Variants in DCAF15 observed in about 807,000 individuals in gnomAD.
DCAF15 encodes DDB1- and CUL4-associated factor 15.
In DCAF15, 24 loss-of-function variants were observed where a neutral mutation model predicts 68.0. That is an observed-to-expected ratio of 0.35 (90% CI 0.26 to 0.50). DCAF15 has a LOEUF of 0.50. Ranked by LOEUF, DCAF15 falls within the 20% of genes least tolerant of loss-of-function variation. The probability of loss-of-function intolerance (pLI) is 0.98; values close to 1 mark genes in which losing one functional copy is unlikely to be tolerated. For synonymous variants in DCAF15, 376 were observed against 341.6 expected (o/e 1.10, Z -1.11); for missense variants, 627 against 830.6 (o/e 0.75, Z 3.01).
In DCAF15 at chr19:13,959,819, A is replaced by G. The variant is rs1340192081; in HGVS notation, c.1364A>G (p.Asn455Ser). 2.5e-6 allele frequency: 4 copies of G among 1,598,904 alleles called. No homozygotes were observed. Among genetic ancestry groups the G allele is most frequent in the African/African-American group, 1.4e-5 (1 of 71,440 alleles). ...QLTLDFEYVI[N>S]EVIRHDATWG... is the part of the protein sequence containing the mutation. ...ACACTAGACTTCGAATATGTTATCA[A>G]TGAGGTCATCCGCCACGACGCTACC... Residue 455 changes from asparagine to serine, a missense_variant, in exon 9 of 13, where the codon AAT becomes AGT. Around this residue, in one of 3 missense-constraint regions of DCAF15, gnomAD observed 118 missense variants for 211.8 expected, o/e 0.56. Transcript: ENST00000254337.
intron 7 of DCAF15, 44 bp downstream of exon 7, chr19:13,959,523 C>A: frequency 6.2e-7 from 1 of 1,611,132 alleles, no homozygotes; most frequent in Non-Finnish European, 8.5e-7. Flanking sequence ...GATGGAGAGG[C>A]CAGCCCAGAC....
At chr19:13,958,141 T>C (rs559386312) in intron 6 of DCAF15, among the ~76,000 whole-genome samples, 7 of 152,160 alleles carry the variant, frequency 4.6e-5, no homozygotes, top group South Asian at 2.1e-4. Context: ...TTTTTGGCCA[T>C]GAACCCCCCA....
chr19:13,958,626 AC>A lies in DCAF15; in HGVS notation c.785-417del, dbSNP rs1481951215. On this transcript the variant is annotated intron_variant, in intron 6 of 12. Coordinates refer to ENST00000254337, the MANE Select transcript of DCAF15 (RefSeq NM_138353.4). ...AGTGGTCTGGCTTGTGTCAGGAAGGACCGAGGGCTTTGCCTTAGGTCTTCCA... is the reference window on the plus strand; with the variant it reads ...AGTGGTCTGGCTTGTGTCAGGAAGGACGAGGGCTTTGCCTTAGGTCTTCCA... 5.3e-5 allele frequency among the ~76,000 whole-genome samples: 8 copies of A among 152,156 alleles called. No homozygotes were observed. In the East Asian group the frequency reaches 1.6e-3, roughly 29 times the overall value.
In DCAF15 at chr19:13,961,135, C is replaced by A; in HGVS notation, c.*140C>A. ...TGTTAGCCTGCGGAACGGGGCTGGG[C>A]AGGGCAGCCTCTGTTGGCCTGAGGG... is the stretch of plus-strand genomic sequence containing the variant. On this transcript the variant is annotated 3_prime_UTR_variant, in exon 13 of 13. Coordinates refer to ENST00000254337, the MANE Select transcript of DCAF15 (RefSeq NM_138353.4). The A allele has an allele frequency of 3.0e-6, 3 of 1,010,730 alleles. No homozygotes were observed. Among genetic ancestry groups the A allele is most frequent in the African/African-American group, 1.6e-5 (1 of 62,708 alleles). 62.6% of individuals were successfully genotyped at this position (1,010,730 alleles called of 1,614,324 possible). A position where few individuals can be genotyped will look rare whatever the true frequency, so the allele number is the denominator to read the frequency against.
intron 6 of DCAF15, among the ~76,000 whole-genome samples, chr19:13,958,681 A>G (rs1304641986): frequency 2.0e-5 from 3 of 152,110 alleles, no homozygotes; most frequent in Non-Finnish European, 4.4e-5. Context: ...GAAAATCACA[A>G]GATGTCCCTC....
In DCAF15 at chr19:13,959,578, C is replaced by T; in HGVS notation, c.1220-4C>T. On this transcript the variant is annotated splice_region_variant and splice_polypyrimidine_tract_variant and intron_variant, in intron 7 of 12. Transcript: ENST00000254337. ...CACCCCACCCCCACTTCCTGCCTCC[C>T]CAGAGTTGGAGGACGACAAGATCTC... The T allele has an allele frequency of 6.2e-7, 1 of 1,613,050 alleles. No homozygotes were observed. The highest frequency in any genetic ancestry group is 1.3e-5 in the African/African-American group (1 of 75,008).
rs1973456625 is a variant in DCAF15, at chr19:13,958,526, G to C, written c.785-519G>C. ...GTGAATATGTTGGGGTTCTCCATGT[G>C]TTCCCCACATTCCTTGGGGGAGTCG... On this transcript the variant is annotated intron_variant, in intron 6 of 12. Coordinates refer to ENST00000254337, the MANE Select transcript of DCAF15 (RefSeq NM_138353.4). Among the ~76,000 whole-genome samples, 3 of 152,138 alleles carry C rather than the reference G, an allele frequency of 2.0e-5. No individual in the cohort carries two copies. The South Asian group carries it at 6.2e-4, about 32-fold the overall frequency.
intron 1 of DCAF15, among the ~76,000 whole-genome samples, chr19:13,952,859 G>A (rs57007919): frequency 0.014 from 1,938 of 141,602 alleles, 41 homozygotes; most frequent in African/African-American, 0.048. Flanking sequence ...TCGGGTGACC[G>A]GCAAAGGGGC....
chr19:13,953,487 TTAGCTTG>T (rs976518968), intron 1 of DCAF15: 3 of 202,104 alleles, frequency 1.5e-5, no homozygotes, highest in Non-Finnish European at 3.0e-5. Context: ...GGTTCCGCCC[TTAGCTTG>T]GAAGCTCCTT....
chr19:13,953,401 T>TC, intron 1 of DCAF15: 1 of 380,990 alleles, frequency 2.6e-6, no homozygotes. Context: ...GTGCTGTGTC[T>TC]CCCCCTTTTG....
At chr19:13,958,132 T>A (rs770015286) in intron 6 of DCAF15, among the ~76,000 whole-genome samples, 30 of 152,122 alleles carry the variant, frequency 2.0e-4, no homozygotes, top group Non-Finnish European at 7.4e-5. Context: ...ACCACTTGGT[T>A]TTTGGCCATG....
intron 6 of DCAF15, among the ~76,000 whole-genome samples, chr19:13,957,524 G>A (rs1973415891): frequency 6.6e-6 from 1 of 152,238 alleles, no homozygotes; most frequent in Non-Finnish European, 1.5e-5. Flanking sequence ...GAAGGCCCCT[G>A]TGTGTGCATC....
Position 13,954,519 on chromosome 19 carries a change from C to A in DCAF15, c.231-7C>A. The stretch of plus-strand genomic sequence containing the variant: ...ACCTGGCCGCTGTGCCCCCTCCACC[C>A]CCACAGACATATCTTCCTGGGCTTT... On this transcript the variant is annotated splice_polypyrimidine_tract_variant and splice_region_variant and intron_variant, in intron 2 of 12. Transcript: ENST00000254337. The A allele has an allele frequency of 6.2e-7, 1 of 1,614,182 alleles. No homozygotes were observed. Among genetic ancestry groups the A allele is most frequent in the Non-Finnish European group, 8.5e-7 (1 of 1,180,036 alleles).
Position 13,961,028 on chromosome 19 carries a change from AC to A in DCAF15, c.*35del. On this transcript the variant is annotated 3_prime_UTR_variant, in exon 13 of 13. Coordinates refer to ENST00000254337, the MANE Select transcript of DCAF15 (RefSeq NM_138353.4). Reference sequence around the variant, plus strand: ...GCCGCCCCGGACACTGACTCCAACTACCTCCGTGGCCTGGGACCGGCCCCCT... The same window carrying A: ...GCCGCCCCGGACACTGACTCCAACTACTCCGTGGCCTGGGACCGGCCCCCT... 1 of 1,612,448 alleles carries A rather than the reference AC, an allele frequency of 6.2e-7. No individual in the cohort carries two copies. Among genetic ancestry groups the A allele is most frequent in the Non-Finnish European group, 8.5e-7 (1 of 1,179,826 alleles).
At chr19:13,960,254 C>G in intron 10 of DCAF15, 33 bp from the exon 11 acceptor site, 2 of 1,605,612 alleles carry the variant, frequency 1.2e-6, no homozygotes, top group Non-Finnish European at 1.7e-6. Context: ...CCCGGCTGTC[C>G]CAGCGTTTGT....
intron 6 of DCAF15, among the ~76,000 whole-genome samples, chr19:13,958,569 A>G (rs985163232): frequency 6.6e-6 from 1 of 152,060 alleles, no homozygotes; most frequent in Non-Finnish European, 1.5e-5. Context: ...GCAGGCAGAG[A>G]CAGAGGCCCT....
chr19:13,957,472 T>C (rs180792289), intron 6 of DCAF15, among the ~76,000 whole-genome samples: 2 of 151,978 alleles, frequency 1.3e-5, no homozygotes, highest in Non-Finnish European at 2.9e-5. Flanking sequence ...GGGAGCGACT[T>C]AGGAGGTGGC....
At position 13,959,838 on chromosome 19, in the gene DCAF15, C is replaced by T. The variant is rs777088450; in HGVS notation, c.1383C>T (p.Asp461=). Reference sequence around the variant, plus strand: ...TTATCAATGAGGTCATCCGCCACGACGCTACCTGGGGCCATCAGTTCTGTT... The same window carrying T: ...TTATCAATGAGGTCATCCGCCACGATGCTACCTGGGGCCATCAGTTCTGTT... ...EYVINEVIRH[D]ATWGHQFCSF... Residue 461 remains aspartate (D), a synonymous_variant, in exon 9 of 13, where the codon GAC becomes GAT. Coordinates refer to ENST00000254337, the MANE Select transcript of DCAF15 (RefSeq NM_138353.4). The T allele has an allele frequency of 1.0e-5, 16 of 1,576,278 alleles. No individual in the cohort carries two copies. Among genetic ancestry groups the T allele is most frequent in the East Asian group, 2.4e-5 (1 of 42,268 alleles).
rs202057762 is a variant in DCAF15 at position 13,954,488 on chromosome 19, G to T, written c.231-38G>T. 2.5e-5 allele frequency: 41 copies of T among 1,613,974 alleles called. No individual in the cohort carries two copies. In the East Asian group the frequency reaches 8.5e-4, roughly 33 times the overall value. ...GCAGGTGGGCGGGAGTGGTGGGCTC[G>T]CCCTGACCTGGCCGCTGTGCCCCCT... On this transcript the variant is annotated intron_variant, in intron 2 of 12. Transcript: ENST00000254337.
Sources: gnomAD v4.1 joint callset for allele counts (sites outside exome capture counted in the v4.1 genomes callset) on GRCh38, gnomAD v4.1.1 for gene constraint, gnomAD v4.1.1 regional missense constraint, MANE v1.5 for transcripts, NCBI Gene and HGNC (gene_info 2026-07-23, HGNC 2026-07-21) for gene names.